PDZRN4: variants seen among roughly 807,000 people sequenced by gnomAD.
The protein encoded by PDZRN4 is PDZ domain containing ring finger 4.
Under a neutral mutation model 99.0 loss-of-function variants are expected in PDZRN4, and 70 were observed. The observed-to-expected ratio is 0.71, with a 90% CI of 0.58 to 0.86. The LOEUF is 0.86. Among genes scored for constraint, PDZRN4 ranks in the 40% least tolerant of loss-of-function variants. PDZRN4 has a pLI of 0.00. For missense variants in PDZRN4, 1,474 were observed against 1,331.2 expected (o/e 1.11, Z -1.67); for synonymous variants, 551 against 501.6 (o/e 1.10, Z -1.32).
chr12:41,402,180 T>TAC (rs1338867170), intron 3 of PDZRN4, among the ~76,000 whole-genome samples: 7 of 103,194 alleles, frequency 6.8e-5, no homozygotes, highest in African/African-American at 2.3e-4. Context: ...ACACTGAGTA[T>TAC]ATATATATAT....
chr12:41,375,297 C>A (rs1053918626), intron 3 of PDZRN4, among the ~76,000 whole-genome samples: 1 of 152,134 alleles, frequency 6.6e-6, no homozygotes. Flanking sequence ...TGCTATTCAA[C>A]GAGAGCCAAT....
At chr12:41,409,414 A>T (rs1027722953) in intron 3 of PDZRN4, 13 of 152,316 alleles carry the variant, frequency 8.5e-5, no homozygotes, top group Admixed American at 6.5e-4. Context: ...AGATAAGTAG[A>T]CAGAGGGATT....
intron 3 of PDZRN4, among the ~76,000 whole-genome samples, chr12:41,363,611 T>G (rs12318990): frequency 7.3e-6 from 1 of 137,504 alleles, no homozygotes; most frequent in Non-Finnish European, 1.6e-5. Flanking sequence ...AAGGATGCAT[T>G]TATTCAGATT....
At chr12:41,477,710 T>A in intron 3 of PDZRN4, 1 of 658,276 alleles carries the variant, frequency 1.5e-6, no homozygotes, top group South Asian at 1.7e-5. Flanking sequence ...ATGATGGTTA[T>A]TTGGTGAACA....
At chr12:41,224,026 T>G (rs1434718785) in intron 3 of PDZRN4, among the ~76,000 whole-genome samples, 1 of 152,222 alleles carries the variant, frequency 6.6e-6, no homozygotes, top group Non-Finnish European at 1.5e-5. Context: ...AGTGCAACTC[T>G]CTGCAGAAAA....
chr12:41,387,473 T>A (rs1212017262), intron 3 of PDZRN4, among the ~76,000 whole-genome samples: 2 of 152,058 alleles, frequency 1.3e-5, no homozygotes, highest in Non-Finnish European at 2.9e-5. Flanking sequence ...TAGTCCCAGC[T>A]ACTTGAGAGG....
chr12:41,515,953 C>T (rs1938393362), intron 5 of PDZRN4, among the ~76,000 whole-genome samples: 1 of 151,982 alleles, frequency 6.6e-6, no homozygotes, highest in African/African-American at 2.4e-5. Context: ...CCTCACCTTT[C>T]CAGCACCTTG....
intron 3 of PDZRN4, among the ~76,000 whole-genome samples, chr12:41,492,800 A>G (rs572808880): frequency 5.3e-5 from 8 of 152,184 alleles, no homozygotes; most frequent in Non-Finnish European, 1.0e-4. Flanking sequence ...GTAAGCTGCC[A>G]CTATGAGATG....
chr12:41,527,780 G>C (rs1165031522), intron 5 of PDZRN4, among the ~76,000 whole-genome samples: 2 of 152,152 alleles, frequency 1.3e-5, no homozygotes, highest in African/African-American at 4.8e-5. Flanking sequence ...GACGACAGTG[G>C]GGAATGCAGG....
At chr12:41,462,882 G>C (rs1347602568) in intron 3 of PDZRN4, among the ~76,000 whole-genome samples, 2 of 152,090 alleles carry the variant, frequency 1.3e-5, no homozygotes, top group Non-Finnish European at 2.9e-5. Context: ...AAGGATTTGA[G>C]ATGTGTAAAA....
rs12582909 is a variant in PDZRN4, at chr12:41,563,378, C to T, written c.1366-170C>T. ...CCTTCACGGATCGATATGGCTCTTA[C>T]AGTAAGCGCGTAATTGAGTGAAGGC... On this transcript the variant is annotated intron_variant, in intron 7 of 9. Coordinates refer to ENST00000402685, the MANE Select transcript of PDZRN4 (RefSeq NM_001164595.2). Among the ~76,000 whole-genome samples, 1,209 of 152,234 alleles carry T rather than the reference C, an allele frequency of 7.9e-3. 44 individuals are homozygous for T. In the East Asian group the frequency reaches 0.14, roughly 17 times the overall value.
At chr12:41,302,784 T>G (rs1951544466) in intron 3 of PDZRN4, among the ~76,000 whole-genome samples, 1 of 151,990 alleles carries the variant, frequency 6.6e-6, no homozygotes, top group Non-Finnish European at 1.5e-5. Context: ...TTTGCACTCC[T>G]CCCCCATCCA....
intron 3 of PDZRN4, among the ~76,000 whole-genome samples, chr12:41,334,911 G>A (rs1158353381): frequency 1.3e-5 from 2 of 151,946 alleles, no homozygotes; most frequent in African/African-American, 2.4e-5. Context: ...TGAAATATAT[G>A]TGAGTCTTTC....
At chr12:41,451,734 G>C (rs1952775508) in intron 3 of PDZRN4, among the ~76,000 whole-genome samples, 1 of 152,068 alleles carries the variant, frequency 6.6e-6, no homozygotes, top group Non-Finnish European at 1.5e-5. Context: ...CCTTATCTGT[G>C]CTGATGAACA....
At chr12:41,375,912 C>G (rs73274430) in intron 3 of PDZRN4, among the ~76,000 whole-genome samples, 2,521 of 152,220 alleles carry the variant, frequency 0.017, 67 homozygotes, top group African/African-American at 0.056. Flanking sequence ...TTCCCCCAAG[C>G]CCCATCCCCT....
At chr12:41,549,426 T>C (rs1270117417) in intron 5 of PDZRN4, among the ~76,000 whole-genome samples, 1 of 152,214 alleles carries the variant, frequency 6.6e-6, no homozygotes, top group Non-Finnish European at 1.5e-5. Flanking sequence ...TAGCTGCTTA[T>C]GAGTTATTTT....
Position 41,572,513 on chromosome 12 carries a change from T to A in PDZRN4, c.1734T>A (p.Asn578Lys). The change falls in exon 10 of 10, where the codon AAT (asparagine) becomes AAA (lysine). Residue 578 changes from asparagine (N) to lysine (K), a missense_variant. Transcript: ENST00000402685. ...SEQENAAEDP[N>K]STSLKSKRDL... ...AGGAGAATGCAGCCGAGGACCCCAA[T>A]AGCACATCTTTGAAGAGCAAGAGAG... 2 of 1,614,004 alleles carry A rather than the reference T, an allele frequency of 1.2e-6. No homozygotes were observed. Among genetic ancestry groups the A allele is most frequent in the African/African-American group, 1.3e-5 (1 of 75,016 alleles).
intron 7 of PDZRN4, among the ~76,000 whole-genome samples, chr12:41,556,843 C>T (rs1939174860): frequency 1.3e-5 from 2 of 152,118 alleles, no homozygotes; most frequent in Non-Finnish European, 1.5e-5. Flanking sequence ...TTTCTGAGTC[C>T]TCTCCCATAA....
chr12:41,361,051 A>T (rs1282743722), intron 3 of PDZRN4, among the ~76,000 whole-genome samples: 1 of 152,018 alleles, frequency 6.6e-6, no homozygotes, highest in East Asian at 1.9e-4. Flanking sequence ...ACACATATTT[A>T]TACATCTTAC....
Sources: gnomAD v4.1 joint callset for allele counts (sites outside exome capture counted in the v4.1 genomes callset) on GRCh38, gnomAD v4.1.1 for gene constraint, MANE v1.5 for transcripts, NCBI Gene and HGNC (gene_info 2026-07-23, HGNC 2026-07-21) for gene names.